The following RBFOX3 variants were observed in gnomAD, a reference collection of about 807,000 sequenced individuals.
RBFOX3 encodes RNA binding fox-1 homolog 3, also known as RNA binding protein fox-1 homolog 3.
In RBFOX3, 17 loss-of-function variants were observed where a neutral mutation model predicts 48.7. The ratio of observed to expected loss-of-function variants is 0.35; its 90% CI spans 0.24 to 0.52. The LOEUF (loss-of-function observed/expected upper bound fraction) is 0.52. Among genes scored for constraint, RBFOX3 ranks in the 20% least tolerant of loss-of-function variants. The probability of loss-of-function intolerance (pLI) is 0.94; values close to 1 mark genes in which losing one functional copy is unlikely to be tolerated. For synonymous variants in RBFOX3, 212 were observed against 209.5 expected, an observed-to-expected ratio of 1.01 and a Z score of -0.10; for missense variants, 382 against 497.5, an observed-to-expected ratio of 0.77 and a Z score of 2.21.
chr17:79,620,619 G>GCA, the RBFOX3 span, among the ~76,000 whole-genome samples: 1 of 97,942 alleles, frequency 1.0e-5, no homozygotes, highest in Non-Finnish European at 2.0e-5. Flanking sequence ...ATGCACACAC[G>GCA]CACATGCACA....
At chr17:79,109,887 G>C (rs1371393965) in intron 5 of RBFOX3, among the ~76,000 whole-genome samples, 1 of 152,188 alleles carries the variant, frequency 6.6e-6, no homozygotes, top group African/African-American at 2.4e-5. Flanking sequence ...GGGTGTGAGT[G>C]GGAGGAGCCA....
Position 79,229,267 on chromosome 17 carries a change from A to G in RBFOX3, c.-34+6499T>C, listed in dbSNP as rs866907719. On this transcript the variant is annotated intron_variant, in intron 4 of 14. Transcript: ENST00000693108. ...AAAAAAAAAAAAAAAAAAAAAAAAA[A>G]GGGACAGGGCTGGGCGTGGTGGCTC... is the stretch of plus-strand genomic sequence containing the variant. 1.9e-4 allele frequency among the ~76,000 whole-genome samples: 21 copies of G among 111,800 alleles called. No individual in the cohort carries two copies. In the South Asian group the frequency reaches 4.2e-3, roughly 22 times the overall value. The allele number at this position is 111,800 out of a possible 152,430, so 73.3% of individuals were successfully genotyped here.
At chr17:79,115,402 T>A in intron 5 of RBFOX3, 92 bp downstream of exon 5, 2 of 796,834 alleles carry the variant, frequency 2.5e-6, no homozygotes, top group Admixed American at 8.4e-5. Context: ...GCCCACCTGG[T>A]ACACCTCATG....
chr17:79,640,328 T>A, the RBFOX3 span, among the ~76,000 whole-genome samples: 2 of 152,132 alleles, frequency 1.3e-5, no homozygotes, highest in Admixed American at 6.5e-5. Context: ...TGAAAGGACA[T>A]CCTGTGTTCA....
chr17:79,238,268 A>G (rs1295173776), intron 3 of RBFOX3, among the ~76,000 whole-genome samples: 1 of 152,192 alleles, frequency 6.6e-6, no homozygotes, highest in Non-Finnish European at 1.5e-5. Flanking sequence ...CTTTTCTTGA[A>G]GTGAGTTCTT....
chr17:79,633,656 T>C, the RBFOX3 span, among the ~76,000 whole-genome samples: 1 of 152,098 alleles, frequency 6.6e-6, no homozygotes, highest in Non-Finnish European at 1.5e-5. Flanking sequence ...GCCTGGAGAC[T>C]GGACATGCTT....
chr17:79,459,173 C>T (rs1365922454), intron 2 of RBFOX3, among the ~76,000 whole-genome samples: 1 of 152,230 alleles, frequency 6.6e-6, no homozygotes, highest in Non-Finnish European at 1.5e-5. Context: ...GCATGACTCA[C>T]AGGCCCAGGT....
At chr17:79,461,831 G>C (rs1383626425) in intron 2 of RBFOX3, among the ~76,000 whole-genome samples, 1 of 152,228 alleles carries the variant, frequency 6.6e-6, no homozygotes, top group Non-Finnish European at 1.5e-5. Flanking sequence ...ATGTGACACA[G>C]AGGTAGAGGC....
intron 2 of RBFOX3, among the ~76,000 whole-genome samples, chr17:79,369,909 G>A (rs1265474030): frequency 2.6e-5 from 4 of 152,156 alleles, no homozygotes; most frequent in African/African-American, 4.8e-5. Context: ...TTCCAGCTAC[G>A]TCGGTGCAGA....
the RBFOX3 span, among the ~76,000 whole-genome samples, chr17:79,659,756 T>C: frequency 1.3e-5 from 2 of 152,116 alleles, no homozygotes; most frequent in Non-Finnish European, 2.9e-5. Flanking sequence ...CAATGAATAG[T>C]CAGAGTGGAC....
chr17:79,103,759 C>G lies in RBFOX3; in HGVS notation c.414+314G>C, dbSNP rs1418888055. Among the ~76,000 whole-genome samples, 1 of 152,152 alleles carries G rather than the reference C, an allele frequency of 6.6e-6. No homozygotes were observed. The highest frequency in any genetic ancestry group is 1.5e-5 in the Non-Finnish European group (1 of 68,022). ...CCTGCCCTCTCTGTAGCCCCTCCCT[C>G]AAGCTTCAAGGCCAGTGGTCCCCTG... is the stretch of plus-strand genomic sequence containing the variant. On this transcript the variant is annotated intron_variant, in intron 7 of 14. Coordinates refer to ENST00000693108, the MANE Select transcript of RBFOX3 (RefSeq NM_001350451.2). The surrounding 1 kb of genome is among the most constrained non-coding windows in gnomAD (Gnocchi z 6.1).
Position 79,299,630 on chromosome 17 carries a change from C to A in RBFOX3, c.-74+8094G>T, listed in dbSNP as rs929660345. Among the ~76,000 whole-genome samples, 1 of 152,104 alleles carries A rather than the reference C, an allele frequency of 6.6e-6. No individual in the cohort carries two copies. Among genetic ancestry groups the A allele is most frequent in the Non-Finnish European group, 1.5e-5 (1 of 68,020 alleles). On this transcript the variant is annotated intron_variant, in intron 3 of 14. Coordinates refer to ENST00000693108, the MANE Select transcript of RBFOX3 (RefSeq NM_001350451.2). The surrounding 1 kb of genome is among the most constrained non-coding windows in gnomAD (Gnocchi z 4.5). ...CAGATCGTGGGGTTTTTGGAACTAA[C>A]CCCCTGAGGATACCAACGGACAACT... is the stretch of plus-strand genomic sequence containing the variant.
intron 3 of RBFOX3, among the ~76,000 whole-genome samples, chr17:79,264,077 C>T (rs1238875147): frequency 6.0e-5 from 9 of 149,434 alleles, no homozygotes; most frequent in African/African-American, 1.2e-4. Flanking sequence ...TTGGCGGGAG[C>T]GCAGCCCTGT....
chr17:79,186,619 G>T (rs1196733364), intron 4 of RBFOX3, among the ~76,000 whole-genome samples: 1 of 152,206 alleles, frequency 6.6e-6, no homozygotes, highest in East Asian at 1.9e-4. Context: ...CCCGCTCCTG[G>T]GGCGGAGGGA....
chr17:79,614,847 G>GA (rs1158291147), upstream of RBFOX3, among the ~76,000 whole-genome samples: 1 of 151,434 alleles, frequency 6.6e-6, no homozygotes, highest in Non-Finnish European at 1.5e-5. Flanking sequence ...AAGAGGGGAT[G>GA]AAAAAAAACT....
intron 4 of RBFOX3, among the ~76,000 whole-genome samples, chr17:79,128,094 G>T (rs1469331660): frequency 6.6e-6 from 1 of 152,246 alleles, no homozygotes; most frequent in Non-Finnish European, 1.5e-5. Flanking sequence ...TACCCTCAGG[G>T]AGCAGACTCC....
At chr17:79,130,997 G>A (rs987874592) in intron 4 of RBFOX3, among the ~76,000 whole-genome samples, 2 of 152,100 alleles carry the variant, frequency 1.3e-5, no homozygotes, top group African/African-American at 4.8e-5. Flanking sequence ...TGTGTACTGT[G>A]TGCCCCGTGT....
intron 2 of RBFOX3, among the ~76,000 whole-genome samples, chr17:79,389,812 A>G (rs1033851057): frequency 1.1e-4 from 17 of 152,224 alleles, no homozygotes; most frequent in Non-Finnish European, 2.4e-4. Context: ...AAAAGACAAC[A>G]GTTTAGAATG....
chr17:79,320,804 C>G (rs1170326496), intron 2 of RBFOX3, among the ~76,000 whole-genome samples: 1 of 152,170 alleles, frequency 6.6e-6, no homozygotes, highest in African/African-American at 2.4e-5. Context: ...CCACTGTTTG[C>G]AGCAAAAACA....
Sources: allele counts gnomAD v4.1 joint callset (sites outside exome capture counted in the v4.1 genomes callset), GRCh38; gene constraint gnomAD v4.1.1; non-coding constraint Gnocchi (gnomAD v3.1); transcripts MANE v1.5; gene names NCBI Gene and HGNC (gene_info 2026-07-23, HGNC 2026-07-21).